Variants in TTC39B observed in about 807,000 individuals in gnomAD.
The protein encoded by TTC39B is tetratricopeptide repeat protein 39B.
In TTC39B, 92 loss-of-function variants were observed where a neutral mutation model predicts 96.6. The observed-to-expected ratio is 0.95, with a 90% CI of 0.80 to 1.13. The LOEUF is 1.13. TTC39B is among the 50% of genes most tolerant of loss of function. The pLI is 0.00. For missense variants in TTC39B, 955 were observed against 809.3 expected (o/e 1.18, Z -2.18); for synonymous variants, 367 against 299.4 (o/e 1.23, Z -2.33).
At chr9:15,233,340 C>G (rs1348515688) in intron 2 of TTC39B, among the ~76,000 whole-genome samples, 7 of 152,012 alleles carry the variant, frequency 4.6e-5, no homozygotes, top group Non-Finnish European at 1.0e-4. Flanking sequence ...CTCTCCCTCT[C>G]CCTCTCCCTC....
Position 15,302,737 on chromosome 9 carries a change from G to A in TTC39B, c.240+4347C>T, listed in dbSNP as rs186428369. Reference sequence around the variant, plus strand: ...TGGGCGCCTGTAATCCAAGCTACTCGGGAGGCTGAGGCAGGAGAATCGCTT... The same window carrying A: ...TGGGCGCCTGTAATCCAAGCTACTCAGGAGGCTGAGGCAGGAGAATCGCTT... On this transcript the variant is annotated intron_variant, in intron 1 of 19. Transcript: ENST00000512701. Among the ~76,000 whole-genome samples the A allele has an allele frequency of 6.6e-5, 10 of 151,622 alleles. No homozygotes were observed. The East Asian group carries it at 1.6e-3, about 24-fold the overall frequency.
chr9:15,255,013 G>C (rs1426331313), intron 2 of TTC39B, among the ~76,000 whole-genome samples: 2 of 151,938 alleles, frequency 1.3e-5, no homozygotes, highest in Admixed American at 1.3e-4. Flanking sequence ...CTTTGAAAAG[G>C]TTAATTCATC....
intron 2 of TTC39B, among the ~76,000 whole-genome samples, chr9:15,257,471 C>G (rs1283096769): frequency 6.6e-6 from 1 of 151,684 alleles, no homozygotes. Context: ...TTTTTTGAGA[C>G]AGGGTCTTAC....
intron 9 of TTC39B, among the ~76,000 whole-genome samples, chr9:15,191,533 A>G (rs1313126010): frequency 1.3e-5 from 2 of 152,222 alleles, no homozygotes; most frequent in East Asian, 3.8e-4. Flanking sequence ...ATGAAGTGAC[A>G]AGAAGGTAAC....
At chr9:15,211,467 A>T in intron 4 of TTC39B, 70 bp from the exon 5 acceptor site, 1 of 1,315,330 alleles carries the variant, frequency 7.6e-7, no homozygotes, top group Non-Finnish European at 1.0e-6. Flanking sequence ...ATCCTAGTAA[A>T]TGCATGTCCT....
chr9:15,269,025 G>A (rs906660662), intron 1 of TTC39B, among the ~76,000 whole-genome samples: 2 of 152,144 alleles, frequency 1.3e-5, no homozygotes, highest in Admixed American at 1.3e-4. Context: ...CCTTGGACAA[G>A]TCAAACATCC....
intron 1 of TTC39B, among the ~76,000 whole-genome samples, chr9:15,286,427 G>C (rs756582395): frequency 6.6e-6 from 1 of 152,162 alleles, no homozygotes; most frequent in Non-Finnish European, 1.5e-5. Context: ...CAGGTTAGAC[G>C]ACTACAGAAC....
rs534995505 is a variant in TTC39B at position 15,243,865 on chromosome 9, T to G, written c.276-17853A>C. ...AGCTGCAGTGGGCAGCACTGTGAAG[T>G]GCACAGGCTGTCGCCCAGGCTGGAG... On this transcript the variant is annotated intron_variant, in intron 2 of 19. Coordinates refer to ENST00000512701, the Ensembl canonical transcript of TTC39B. Among the ~76,000 whole-genome samples, 10 of 152,342 alleles carry G rather than the reference T, an allele frequency of 6.6e-5. No individual in the cohort carries two copies. In the East Asian group the frequency reaches 1.5e-3, roughly 24 times the overall value.
chr9:15,199,759 A>AAAAAAAAAC, intron 8 of TTC39B, 102 bp downstream of exon 8: 1 of 372,556 alleles, frequency 2.7e-6, no homozygotes, highest in East Asian at 5.6e-5. Flanking sequence ...AAAAAAAAAA[A>AAAAAAAAAC]AAAAAAAAAT....
chr9:15,192,565 G>T (rs1470034633), intron 9 of TTC39B, 25 bp downstream of exon 9: 1 of 1,575,990 alleles, frequency 6.3e-7, no homozygotes, highest in Non-Finnish European at 8.7e-7. Flanking sequence ...CAAAAGTTCT[G>T]GTTTCTATAC....
chr9:15,194,136 A>T (rs1819015915), intron 8 of TTC39B, among the ~76,000 whole-genome samples: 1 of 152,236 alleles, frequency 6.6e-6, no homozygotes, highest in Admixed American at 6.5e-5. Flanking sequence ...GACGATTTAC[A>T]ATCTTCCATA....
At chr9:15,245,064 T>G (rs959492914) in intron 2 of TTC39B, among the ~76,000 whole-genome samples, 32 of 152,220 alleles carry the variant, frequency 2.1e-4, no homozygotes, top group Non-Finnish European at 3.4e-4. Flanking sequence ...TCAATTACAG[T>G]GAGTAGCTTA....
At position 15,211,399 on chromosome 9, in the gene TTC39B, T is replaced by C. The variant is rs370957078; in HGVS notation, c.483-2A>G. On this transcript the variant is annotated splice_acceptor_variant, in intron 4 of 19. Transcript: ENST00000512701. LOFTEE classifies it high-confidence loss of function. ...GCATGGTACATACTCTCCTTAGCCC[T>C]GGGAAGAACACAGGGAATTCAGACA... The C allele has an allele frequency of 6.7e-7, 1 of 1,488,612 alleles. No homozygotes were observed. The highest frequency in any genetic ancestry group is 1.4e-5 in the African/African-American group (1 of 69,270). The allele number at this position is 1,488,612 out of a possible 1,614,324, so 92.2% of individuals were successfully genotyped here.
At chr9:15,221,454 C>T (rs773692749) in intron 3 of TTC39B, among the ~76,000 whole-genome samples, 12 of 152,154 alleles carry the variant, frequency 7.9e-5, no homozygotes, top group South Asian at 2.1e-4. Flanking sequence ...CATGTTCTTT[C>T]GACAAGCCCT....
intron 1 of TTC39B, among the ~76,000 whole-genome samples, chr9:15,300,916 A>C (rs1049533524): frequency 8.2e-5 from 12 of 146,592 alleles, no homozygotes; most frequent in African/African-American, 3.0e-4. Flanking sequence ...AAAAAAAAAA[A>C]AACCTTCCAG....
At chr9:15,211,442 T>A in intron 4 of TTC39B, 45 bp from the exon 5 acceptor site, 2 of 1,411,740 alleles carry the variant, frequency 1.4e-6, no homozygotes, top group Non-Finnish European at 1.9e-6. Flanking sequence ...TCAATGGAAA[T>A]ACTGATCATA....
At chr9:15,213,685 T>C (rs142371088) in intron 4 of TTC39B, among the ~76,000 whole-genome samples, 9 of 152,330 alleles carry the variant, frequency 5.9e-5, no homozygotes, top group Non-Finnish European at 1.0e-4. Context: ...GTACTATTAA[T>C]TGAAATTAAA....
chr9:15,273,278 G>C (rs539467104), intron 1 of TTC39B, among the ~76,000 whole-genome samples: 1 of 152,224 alleles, frequency 6.6e-6, no homozygotes, highest in South Asian at 2.1e-4. Flanking sequence ...AGACCAAATA[G>C]ATTTACAAAT....
chr9:15,184,512 A>C (rs1389660320), intron 16 of TTC39B, among the ~76,000 whole-genome samples: 1 of 152,196 alleles, frequency 6.6e-6, no homozygotes, highest in African/African-American at 2.4e-5. Flanking sequence ...TATCTATATA[A>C]AAACTAAAGC....
Sources: gnomAD v4.1 joint callset for allele counts (sites outside exome capture counted in the v4.1 genomes callset) on GRCh38, gnomAD v4.1.1 for gene constraint, MANE v1.5 for transcripts, NCBI Gene and HGNC (gene_info 2026-07-23, HGNC 2026-07-21) for gene names.